The following INPP5D variants were observed in gnomAD, a reference collection of about 807,000 sequenced individuals.
INPP5D encodes inositol polyphosphate-5-phosphatase D.
In INPP5D, 33 loss-of-function variants were observed where a neutral mutation model predicts 122.9. The ratio of observed to expected loss-of-function variants is 0.27; its 90% CI spans 0.20 to 0.36. The LOEUF (loss-of-function observed/expected upper bound fraction) is 0.36. Among genes scored for constraint, INPP5D ranks in the 10% least tolerant of loss-of-function variants. The pLI is 1.00. For missense variants in INPP5D, 1,053 were observed against 1,412.7 expected (o/e 0.75, Z 4.08); for synonymous variants, 584 against 576.2 (o/e 1.01, Z -0.19).
At chr2:233,124,884 G>A (rs1693108263) in intron 3 of INPP5D, among the ~76,000 whole-genome samples, 1 of 152,258 alleles carries the variant, frequency 6.6e-6, no homozygotes, top group Non-Finnish European at 1.5e-5. Context: ...CAGTCCAAGA[G>A]GTCTGTTTGG....
At chr2:233,066,825 C>A (rs1014607478) in intron 1 of INPP5D, among the ~76,000 whole-genome samples, 2 of 151,960 alleles carry the variant, frequency 1.3e-5, no homozygotes, top group Non-Finnish European at 2.9e-5. Flanking sequence ...GTTGCCCAGG[C>A]TGGAATGCAA....
chr2:233,098,990 C>T (rs1027012811), intron 2 of INPP5D, among the ~76,000 whole-genome samples: 18 of 143,454 alleles, frequency 1.3e-4, no homozygotes, highest in Admixed American at 3.5e-4. Context: ...CTCACTCTGT[C>T]GTCCAGGCTG....
intron 2 of INPP5D, among the ~76,000 whole-genome samples, chr2:233,120,988 C>T (rs1168797528): frequency 1.3e-5 from 2 of 151,728 alleles, no homozygotes; most frequent in South Asian, 2.1e-4. Flanking sequence ...AAAAGTTCTT[C>T]GTGCAGGAAA....
At chr2:233,123,998 C>T (rs1693076384) in intron 3 of INPP5D, among the ~76,000 whole-genome samples, 1 of 152,264 alleles carries the variant, frequency 6.6e-6, no homozygotes, top group South Asian at 2.1e-4. Context: ...TCAGAAATAA[C>T]TATTGGGTAC....
At chr2:233,063,394 C>T (rs1167630898) in intron 1 of INPP5D, among the ~76,000 whole-genome samples, 1 of 152,254 alleles carries the variant, frequency 6.6e-6, no homozygotes, top group Non-Finnish European at 1.5e-5. Context: ...CGGCCGGAGT[C>T]TCCACCTGAT....
intron 2 of INPP5D, among the ~76,000 whole-genome samples, chr2:233,119,995 G>T (rs776042963): frequency 2.0e-5 from 3 of 152,198 alleles, no homozygotes; most frequent in Non-Finnish European, 4.4e-5. Context: ...GCCCAGCCAC[G>T]CTCAGGCCAG....
chr2:233,153,495 C>T (rs527999413), intron 9 of INPP5D, among the ~76,000 whole-genome samples: 14 of 152,142 alleles, frequency 9.2e-5, no homozygotes, highest in Admixed American at 2.0e-4. Flanking sequence ...AGATGGATAG[C>T]GAGAGTCACT....
chr2:233,195,183 C>G (rs547923265), intron 23 of INPP5D, among the ~76,000 whole-genome samples: 2 of 152,206 alleles, frequency 1.3e-5, no homozygotes, highest in South Asian at 4.2e-4. Flanking sequence ...AATGGCAACT[C>G]TGGATCCCAA....
chr2:233,184,219 G>A (rs953837116), intron 19 of INPP5D, among the ~76,000 whole-genome samples, 189 bp from the exon 20 acceptor site: 5 of 152,196 alleles, frequency 3.3e-5, no homozygotes, highest in African/African-American at 1.2e-4. Context: ...GCCAGCTCAC[G>A]ATGCATCAGA....
chr2:233,137,832 CAAAAAAAA>C (rs746005379), intron 5 of INPP5D, among the ~76,000 whole-genome samples: 2 of 10,142 alleles, frequency 2.0e-4, no homozygotes, highest in African/African-American at 5.3e-4. Flanking sequence ...AACTCCATCA[CAAAAAAAA>C]AAAAAAAAAA....
chr2:233,079,267 G>A lies in INPP5D; in HGVS notation c.135-68G>A. The A allele has an allele frequency of 4.1e-6, 4 of 980,866 alleles. No homozygotes were observed. In the South Asian group the frequency reaches 5.2e-5, roughly 13 times the overall value. The allele number at this position is 980,866 out of a possible 1,614,324, so 60.8% of individuals were successfully genotyped here. On this transcript the variant is annotated intron_variant, in intron 1 of 26. Coordinates refer to ENST00000445964, the MANE Select transcript of INPP5D (RefSeq NM_001017915.3). Reference sequence around the variant, plus strand: ...TCCTCAAGCTGTGTCAGGAAGTCTTGTCTTTTCAGTTAAGAGGAAACCGGG... The same window carrying A: ...TCCTCAAGCTGTGTCAGGAAGTCTTATCTTTTCAGTTAAGAGGAAACCGGG...
chr2:233,166,232 G>T (rs10182994), intron 13 of INPP5D, among the ~76,000 whole-genome samples: 6 of 151,952 alleles, frequency 3.9e-5, no homozygotes, highest in Non-Finnish European at 7.4e-5. Context: ...CCCCTGCCCC[G>T]CTGTGCAGAA....
At chr2:233,130,734 T>G (rs1693300201) in intron 5 of INPP5D, 86 bp downstream of exon 5, 3 of 1,400,290 alleles carry the variant, frequency 2.1e-6, no homozygotes, top group Non-Finnish European at 3.0e-6. Context: ...TGCCTCTGCC[T>G]GGCTGAACAA....
chr2:233,144,885 A>T (rs1693718432), intron 6 of INPP5D, among the ~76,000 whole-genome samples: 1 of 151,922 alleles, frequency 6.6e-6, no homozygotes, highest in African/African-American at 2.4e-5. Flanking sequence ...AGCAGTGGTA[A>T]TGGAGGTGGT....
rs183414710 is a variant in INPP5D at position 233,085,633 on chromosome 2, G to T, written c.198+6235G>T. 2.6e-5 allele frequency among the ~76,000 whole-genome samples: 4 copies of T among 152,262 alleles called. No individual in the cohort carries two copies. The East Asian group carries it at 7.7e-4, about 29-fold the overall frequency. Reference sequence around the variant, plus strand: ...TTTCTTCTGTTAGGTCTTTGAGTAAGTTTTTATTCCAGCTCTTCTGGCATC... The same window carrying T: ...TTTCTTCTGTTAGGTCTTTGAGTAATTTTTTATTCCAGCTCTTCTGGCATC... On this transcript the variant is annotated intron_variant, in intron 2 of 26. Coordinates refer to ENST00000445964, the MANE Select transcript of INPP5D (RefSeq NM_001017915.3).
intron 11 of INPP5D, 35 bp from the exon 12 acceptor site, chr2:233,163,672 T>A: frequency 6.2e-7 from 1 of 1,612,762 alleles, no homozygotes; most frequent in Non-Finnish European, 8.5e-7. Context: ...TCGATGTGCC[T>A]TTGACTCACT....
At chr2:233,165,144 TGTGA>T (rs1316041940) in intron 13 of INPP5D, among the ~76,000 whole-genome samples, 1 of 152,140 alleles carries the variant, frequency 6.6e-6, no homozygotes, top group Non-Finnish European at 1.5e-5. Context: ...ACAGCGTGCA[TGTGA>T]GTGTGTGAGC....
intron 2 of INPP5D, among the ~76,000 whole-genome samples, chr2:233,116,300 T>C (rs1337293350): frequency 7.2e-6 from 1 of 138,440 alleles, no homozygotes; most frequent in Non-Finnish European, 1.5e-5. Flanking sequence ...GATATATAGA[T>C]ACTTTTTGAG....
chr2:233,187,739 G>A (rs544643898), intron 21 of INPP5D, among the ~76,000 whole-genome samples: 8 of 152,268 alleles, frequency 5.3e-5, no homozygotes, highest in Non-Finnish European at 1.0e-4. Flanking sequence ...CCTGTTCTGG[G>A]GCTGTCTTCA....
Sources: allele counts gnomAD v4.1 joint callset (sites outside exome capture counted in the v4.1 genomes callset), GRCh38; gene constraint gnomAD v4.1.1; transcripts MANE v1.5; gene names NCBI Gene and HGNC (gene_info 2026-07-23, HGNC 2026-07-21).